The following DOCK11 variants were observed in gnomAD, a reference collection of about 807,000 sequenced individuals.
The protein encoded by DOCK11 is dedicator of cytokinesis 11.
In DOCK11, 70 loss-of-function variants were observed where a neutral mutation model predicts 169.1. The ratio of observed to expected loss-of-function variants is 0.41; its 90% CI spans 0.34 to 0.51. DOCK11 has a LOEUF of 0.51. DOCK11 is among the 20% of genes least tolerant of loss of function. The probability of loss-of-function intolerance (pLI) is 0.10; values close to 1 mark genes in which losing one functional copy is unlikely to be tolerated. For missense variants in DOCK11, 1,166 were observed against 1,538.8 expected, an observed-to-expected ratio of 0.76 and a Z score of 4.05; for synonymous variants, 529 against 541.3, an observed-to-expected ratio of 0.98 and a Z score of 0.32.
intron 11 of DOCK11, among the ~76,000 whole-genome samples, chrX:118,573,595 G>A (rs1339372195): frequency 1.8e-5 from 2 of 111,613 alleles, no homozygotes; most frequent in African/African-American, 3.3e-5. Context: ...TACACCTGAC[G>A]GAAGTTAAAA....
At chrX:118,576,598 G>T (rs961175000) in intron 12 of DOCK11, among the ~76,000 whole-genome samples, 1 of 112,130 alleles carries the variant, frequency 8.9e-6, no homozygotes, top group East Asian at 2.8e-4. Flanking sequence ...AATAAGGTGC[G>T]TGGTTCTAAG....
chrX:118,649,404 T>G lies in DOCK11; in HGVS notation c.4581+277T>G, dbSNP rs191810498. Among the ~76,000 whole-genome samples, 635 of 112,863 alleles carry G rather than the reference T, an allele frequency of 5.6e-3. 6 individuals are homozygous for G. Among genetic ancestry groups the G allele is most frequent in the African/African-American group, 0.02 (610 of 31,126 alleles). On this transcript the variant is annotated intron_variant, in intron 41 of 52. Coordinates refer to ENST00000276202, the MANE Select transcript of DOCK11 (RefSeq NM_144658.4). ...GTTAAGTATATTAAAATAAGTCTCT[T>G]TTTAGTGTGGCTACTAGGTAATTGA...
chrX:118,675,788 T>C (rs1199133472), intron 46 of DOCK11, 148 bp from the exon 47 acceptor site: 1 of 336,744 alleles, frequency 3.0e-6, no homozygotes, highest in Non-Finnish European at 5.2e-6. Flanking sequence ...AGGACTTTGA[T>C]TGTTACAAAG....
intron 41 of DOCK11, among the ~76,000 whole-genome samples, chrX:118,651,369 G>C (rs2015941882): frequency 9.0e-6 from 1 of 111,574 alleles, no homozygotes; most frequent in African/African-American, 3.3e-5. Context: ...GGGAGGTTGA[G>C]GCTGCAGTGA....
chrX:118,522,618 A>C (rs2011290273), intron 1 of DOCK11, among the ~76,000 whole-genome samples: 1 of 111,376 alleles, frequency 9.0e-6, no homozygotes, highest in Non-Finnish European at 1.9e-5. Context: ...GGTTGCTGTC[A>C]CCTCCTAGAG....
intron 6 of DOCK11, 23 bp downstream of exon 6, chrX:118,546,139 T>C: frequency 1.0e-6 from 1 of 992,278 alleles, no homozygotes; most frequent in South Asian, 2.2e-5. Context: ...TATTATATTA[T>C]TCCATCATTT....
chrX:118,545,261 T>G, intron 4 of DOCK11, 62 bp from the exon 5 acceptor site: 1 of 783,319 alleles, frequency 1.3e-6, no homozygotes, highest in Non-Finnish European at 1.8e-6. Context: ...TGTGTTTTTG[T>G]GTTGTTTTTC....
chrX:118,624,783 G>C (rs2015059961), intron 32 of DOCK11, 128 bp downstream of exon 32: 1 of 418,426 alleles, frequency 2.4e-6, no homozygotes, highest in Non-Finnish European at 4.0e-6. Context: ...TTTTGAGCCA[G>C]AGTCTCGCTC....
At chrX:118,548,647 A>G (rs2012371887) in intron 6 of DOCK11, among the ~76,000 whole-genome samples, 1 of 111,606 alleles carries the variant, frequency 9.0e-6, no homozygotes, top group Non-Finnish European at 1.9e-5. Context: ...CGAGAAATGC[A>G]GGCAGCTTCT....
chrX:118,556,759 G>GAA (rs58350422), intron 6 of DOCK11, among the ~76,000 whole-genome samples: 3 of 80,973 alleles, frequency 3.7e-5, no homozygotes, highest in Non-Finnish European at 4.8e-5. Context: ...TCTGTCTCCG[G>GAA]AAAAAAAAAA....
chrX:118,507,095 A>C (rs1239893957), intron 1 of DOCK11, among the ~76,000 whole-genome samples: 2 of 111,881 alleles, frequency 1.8e-5, no homozygotes, highest in East Asian at 5.6e-4. Context: ...TTTATTGCCT[A>C]TTGAGTTTAT....
At chrX:118,624,718 G>T in intron 32 of DOCK11, 63 bp downstream of exon 32, 1 of 738,706 alleles carries the variant, frequency 1.4e-6, no homozygotes. Flanking sequence ...TTGGAATTGG[G>T]GTCATATGCT....
At chrX:118,668,705 G>T (rs754371842) in intron 45 of DOCK11, among the ~76,000 whole-genome samples, 1 of 111,521 alleles carries the variant, frequency 9.0e-6, no homozygotes, top group South Asian at 3.7e-4. Context: ...TACAAATATA[G>T]TGATAAATCT....
chrX:118,680,966 G>A, intron 49 of DOCK11, 92 bp from the exon 50 acceptor site: 1 of 823,918 alleles, frequency 1.2e-6, no homozygotes, highest in Non-Finnish European at 1.7e-6. Flanking sequence ...AAAGGATGGG[G>A]AGAGTTAAGC....
chrX:118,531,623 T>C (rs1366790051), intron 1 of DOCK11, among the ~76,000 whole-genome samples: 2 of 107,964 alleles, frequency 1.9e-5, no homozygotes, highest in Non-Finnish European at 3.8e-5. Context: ...AATGGTGCCA[T>C]CTTGGCTCAC....
At position 118,659,432 on chromosome X, in the gene DOCK11, G is replaced by GAT. The variant is rs1238029303; in HGVS notation, c.4970-3251_4970-3250dup. On this transcript the variant is annotated intron_variant, in intron 44 of 52. Transcript: ENST00000276202. ...TCAAACAGATGCATCCTTCTGTTGG[G>GAT]ATATGTACATTGGCCAATTCTAGAC... Among the ~76,000 whole-genome samples, 37 of 112,135 alleles carry GAT rather than the reference G, an allele frequency of 3.3e-4. No homozygotes were observed. In the South Asian group the frequency reaches 0.013, roughly 41 times the overall value.
At chrX:118,614,625 T>C (rs1363975687) in intron 28 of DOCK11, 67 bp from the exon 29 acceptor site, 2 of 835,139 alleles carry the variant, frequency 2.4e-6, no homozygotes, top group Non-Finnish European at 3.4e-6. Flanking sequence ...TTTAAAACTT[T>C]ACATTTTTAA....
At chrX:118,658,126 C>T (rs750416248) in intron 44 of DOCK11, among the ~76,000 whole-genome samples, 106 of 111,521 alleles carry the variant, frequency 9.5e-4, no homozygotes, top group Non-Finnish European at 1.7e-3. Flanking sequence ...TTAAGACCAA[C>T]GTATTTGACA....
intron 1 of DOCK11, among the ~76,000 whole-genome samples, chrX:118,530,303 C>A (rs912346105): frequency 8.8e-6 from 1 of 113,050 alleles, no homozygotes; most frequent in Non-Finnish European, 1.9e-5. Flanking sequence ...AAAACATAGA[C>A]AATAGGACAA....
Sources: allele counts gnomAD v4.1 joint callset (sites outside exome capture counted in the v4.1 genomes callset), GRCh38; gene constraint gnomAD v4.1.1; transcripts MANE v1.5; gene names NCBI Gene and HGNC (gene_info 2026-07-23, HGNC 2026-07-21).